Variants in PTPRD observed in about 807,000 individuals in gnomAD.
PTPRD encodes protein tyrosine phosphatase receptor type D, also known as receptor-type tyrosine-protein phosphatase delta.
Under a neutral mutation model 214.5 loss-of-function variants are expected in PTPRD, and 34 were observed. That is an observed-to-expected ratio of 0.16 (90% confidence interval 0.12 to 0.21). The LOEUF is 0.21. PTPRD is among the 10% of genes least tolerant of loss of function. The pLI is 1.00. For missense variants in PTPRD, 2,545 were observed against 2,398.7 expected (o/e 1.06, Z -1.27); for synonymous variants, 1,128 against 845.7 (o/e 1.33, Z -5.79).
chr9:8,713,300 G>A (rs984125017), intron 12 of PTPRD: 3 of 728,958 alleles, frequency 4.1e-6, no homozygotes, highest in East Asian at 5.3e-5. Flanking sequence ...GGCGAGCGCG[G>A]AGAGGACGCC....
intron 39 of PTPRD, among the ~76,000 whole-genome samples, chr9:8,350,872 T>A (rs960299319): frequency 3.3e-5 from 5 of 152,192 alleles, no homozygotes; most frequent in African/African-American, 9.6e-5. Flanking sequence ...TACTAATTAA[T>A]ATATAGTAGT....
At chr9:10,549,832 G>T (rs1165691042) in intron 2 of PTPRD, among the ~76,000 whole-genome samples, 1 of 151,832 alleles carries the variant, frequency 6.6e-6, no homozygotes, top group Non-Finnish European at 1.5e-5. Flanking sequence ...TTTTAATTTA[G>T]ATTAAAAGGT....
intron 3 of PTPRD, among the ~76,000 whole-genome samples, chr9:10,204,444 G>A (rs1223922431): frequency 1.3e-5 from 2 of 152,050 alleles, no homozygotes; most frequent in African/African-American, 2.4e-5. Flanking sequence ...TGATGGGGAA[G>A]GACCTCATTC....
chr9:8,374,821 T>C (rs1490360465), intron 39 of PTPRD, among the ~76,000 whole-genome samples: 2 of 152,000 alleles, frequency 1.3e-5, no homozygotes, highest in Admixed American at 1.3e-4. Context: ...TGCCAGCTCA[T>C]TGTTTAACAA....
At chr9:9,682,014 T>C (rs2097083822) in intron 7 of PTPRD, among the ~76,000 whole-genome samples, 1 of 151,810 alleles carries the variant, frequency 6.6e-6, no homozygotes, top group African/African-American at 2.4e-5. Context: ...CCCACTCTCT[T>C]TCTCTGACAA....
intron 5 of PTPRD, among the ~76,000 whole-genome samples, chr9:9,819,883 T>C (rs539277491): frequency 2.4e-4 from 36 of 152,326 alleles, no homozygotes; most frequent in South Asian, 1.9e-3. Flanking sequence ...ATTTTCTTTG[T>C]TCAGTCCATT....
At chr9:9,942,723 T>A (rs2091806183) in intron 4 of PTPRD, among the ~76,000 whole-genome samples, 1 of 152,152 alleles carries the variant, frequency 6.6e-6, no homozygotes, top group Non-Finnish European at 1.5e-5. Context: ...TAAGGTAGTT[T>A]GAGCATGTTT....
intron 3 of PTPRD, among the ~76,000 whole-genome samples, chr9:10,062,520 CACTTAA>C: frequency 6.6e-6 from 1 of 152,112 alleles, no homozygotes; most frequent in South Asian, 2.1e-4. Context: ...GCAGGAGAAT[CACTTAA>C]ACCCGCAAGG....
intron 14 of PTPRD, among the ~76,000 whole-genome samples, chr9:8,556,400 A>G (rs1210701082): frequency 6.6e-6 from 1 of 152,328 alleles, no homozygotes; most frequent in East Asian, 1.9e-4. Context: ...ATACACTAAC[A>G]ACAACAAAAA....
intron 5 of PTPRD, among the ~76,000 whole-genome samples, chr9:9,784,576 C>A (rs2098901777): frequency 6.6e-6 from 1 of 151,930 alleles, no homozygotes; most frequent in African/African-American, 2.4e-5. Context: ...ATCCATTAAG[C>A]CATCAAGGTA....
chr9:8,388,205 G>T (rs2087931101), intron 37 of PTPRD, among the ~76,000 whole-genome samples: 2 of 152,136 alleles, frequency 1.3e-5, no homozygotes, highest in South Asian at 2.1e-4. Context: ...CTTTTAAATT[G>T]TCCCTCATAT....
At chr9:8,844,851 A>G (rs140841228) in intron 11 of PTPRD, among the ~76,000 whole-genome samples, 1 of 152,324 alleles carries the variant, frequency 6.6e-6, no homozygotes, top group East Asian at 1.9e-4. Context: ...TGGTGTTATT[A>G]TTTAATGAAA....
intron 8 of PTPRD, among the ~76,000 whole-genome samples, chr9:9,568,300 T>C (rs1462003724): frequency 1.3e-5 from 2 of 151,868 alleles, no homozygotes; most frequent in African/African-American, 2.4e-5. Context: ...GTAGAACACA[T>C]GGAAGACTTG....
chr9:10,552,600 G>A (rs762799990), intron 2 of PTPRD, among the ~76,000 whole-genome samples: 4 of 152,008 alleles, frequency 2.6e-5, no homozygotes, highest in African/African-American at 7.2e-5. Context: ...CACTGTGGAC[G>A]CTAGATCAAC....
rs548968725 is a variant in PTPRD at position 9,597,585 on chromosome 9, G to A, written c.-286-22804C>T. The stretch of plus-strand genomic sequence containing the variant: ...CGTAGAACTGCAAAAACGAAAGCAG[G>A]AGAGAATTTTACAAAGCTGGGGGAA... On this transcript the variant is annotated intron_variant, in intron 7 of 45. Coordinates refer to ENST00000381196, the MANE Select transcript of PTPRD (RefSeq NM_002839.4). 3.3e-5 allele frequency among the ~76,000 whole-genome samples: 5 copies of A among 152,140 alleles called. No individual in the cohort carries two copies. The East Asian group carries it at 9.7e-4, about 30-fold the overall frequency.
At chr9:9,009,909 G>T (rs1036116907) in intron 11 of PTPRD, among the ~76,000 whole-genome samples, 3 of 151,864 alleles carry the variant, frequency 2.0e-5, no homozygotes, top group African/African-American at 7.3e-5. Context: ...GAGAATTTTA[G>T]GTTGACTTGG....
At chr9:9,375,133 G>A (rs964431402) in intron 9 of PTPRD, among the ~76,000 whole-genome samples, 1 of 152,044 alleles carries the variant, frequency 6.6e-6, no homozygotes, top group Non-Finnish European at 1.5e-5. Context: ...AAACTTGAAA[G>A]AAACATTTTT....
intron 10 of PTPRD, among the ~76,000 whole-genome samples, chr9:9,035,824 C>T (rs989184607): frequency 2.0e-5 from 3 of 151,784 alleles, no homozygotes; most frequent in African/African-American, 4.8e-5. Flanking sequence ...TGGTTTAATG[C>T]TTATTCAACA....
At chr9:9,922,135 C>A (rs981043356) in intron 5 of PTPRD, among the ~76,000 whole-genome samples, 1 of 152,074 alleles carries the variant, frequency 6.6e-6, no homozygotes, top group African/African-American at 2.4e-5. Context: ...AAGCTGTGAG[C>A]AACTCACCAC....
Sources: gnomAD v4.1 joint callset for allele counts (sites outside exome capture counted in the v4.1 genomes callset) on GRCh38, gnomAD v4.1.1 for gene constraint, MANE v1.5 for transcripts, NCBI Gene and HGNC (gene_info 2026-07-23, HGNC 2026-07-21) for gene names.